Variants in NUMB observed in about 807,000 individuals in gnomAD.
NUMB encodes the protein protein numb homolog.
Under a neutral mutation model 59.7 loss-of-function variants are expected in NUMB, and 29 were observed. The ratio of observed to expected loss-of-function variants is 0.49; its 90% confidence interval spans 0.36 to 0.66. The LOEUF (loss-of-function observed/expected upper bound fraction) is 0.66, where lower values mean the gene tolerates loss of function less well. Ranked by LOEUF, NUMB falls within the 30% of genes least tolerant of loss-of-function variation. NUMB has a pLI of 0.00. For synonymous variants in NUMB, 288 were observed against 288.2 expected, an observed-to-expected ratio of 1.00 and a Z score of 0.01; for missense variants, 723 against 822.0, an observed-to-expected ratio of 0.88 and a Z score of 1.47.
intron 2 of NUMB, among the ~76,000 whole-genome samples, chr14:73,392,950 A>T (rs1162502479): frequency 3.3e-5 from 5 of 152,160 alleles, no homozygotes; most frequent in Non-Finnish European, 7.3e-5. Flanking sequence ...GCAAAATTTA[A>T]TAGACATGTG....
At position 73,367,348 on chromosome 14, in the gene NUMB, T is replaced by TATAGAGAGAG. The variant is rs1555375287; in HGVS notation, c.-100-368_-100-367insCTCTCTCTAT. ...ATATATACATATATATATATATATA[T>TATAGAGAGAG]AGAGAGAGAGAGAGAGAGAGAGAGA... On this transcript the variant is annotated intron_variant, in intron 2 of 12. Transcript: ENST00000555238. Among the ~76,000 whole-genome samples the TATAGAGAGAG allele has an allele frequency of 5.4e-3, 570 of 105,288 alleles. 4 individuals are homozygous for TATAGAGAGAG. The highest frequency in any genetic ancestry group is 0.031 in the East Asian group (123 of 3,998). 69.1% of individuals were successfully genotyped at this position (105,288 alleles called of 152,430 possible). A position where few individuals can be genotyped will look rare whatever the true frequency, so the allele number is the denominator to read the frequency against.
Position 73,276,864 on chromosome 14 carries a change from A to G in NUMB, c.1670T>C (p.Val557Ala). The change falls in exon 13 of 13, where the codon GTC becomes GCC. Residue 557 changes from valine (V) to alanine (A), a missense_variant. Val to Ala is a moderately conservative substitution (Grantham distance 64). Around this residue, in one of 2 missense-constraint regions of NUMB, gnomAD observed 406 missense variants for 385.4 expected, o/e 1.05. Transcript: ENST00000555238. ...AAHPHQSPSL[V>A]RQQTFPHYEA... ...GTAGTGAGGGAATGTCTGCTGCCTG[A>G]CCAGGCTGGGTGACTGATGGGGATG... The G allele has an allele frequency of 6.2e-7, 1 of 1,614,060 alleles. No homozygotes were observed. Among genetic ancestry groups the G allele is most frequent in the Non-Finnish European group, 8.5e-7 (1 of 1,179,972 alleles).
chr14:73,386,455 AT>A (rs934910934), intron 2 of NUMB, among the ~76,000 whole-genome samples: 1 of 151,622 alleles, frequency 6.6e-6, no homozygotes, highest in Non-Finnish European at 1.5e-5. Flanking sequence ...ACAATTCCAG[AT>A]TTTTTTTTAA....
intron 2 of NUMB, among the ~76,000 whole-genome samples, chr14:73,394,158 T>C (rs1403386953): frequency 6.6e-6 from 1 of 152,132 alleles, no homozygotes; most frequent in Non-Finnish European, 1.5e-5. Flanking sequence ...TTTCACCATG[T>C]TGGCCAGGCT....
At chr14:73,451,685 T>G (rs572048012) in intron 1 of NUMB, among the ~76,000 whole-genome samples, 67 of 152,258 alleles carry the variant, frequency 4.4e-4, no homozygotes, top group Admixed American at 7.8e-4. Flanking sequence ...TATGCACAAG[T>G]GACTAGACGA....
chr14:73,378,811 A>G (rs1294135864), intron 2 of NUMB, among the ~76,000 whole-genome samples: 1 of 152,196 alleles, frequency 6.6e-6, no homozygotes, highest in Non-Finnish European at 1.5e-5. Context: ...TCTGTACTAT[A>G]CTATAATGGC....
chr14:73,287,617 G>C (rs570578231), intron 8 of NUMB, among the ~76,000 whole-genome samples: 1 of 152,096 alleles, frequency 6.6e-6, no homozygotes, highest in East Asian at 1.9e-4. Context: ...GCCTCAAGTG[G>C]TCTACCCAAT....
At chr14:73,393,304 G>A (rs1344834494) in intron 2 of NUMB, among the ~76,000 whole-genome samples, 2 of 151,816 alleles carry the variant, frequency 1.3e-5, no homozygotes, top group African/African-American at 2.4e-5. Context: ...TGTAGTGGAA[G>A]GTAAGATGAG....
intron 1 of NUMB, among the ~76,000 whole-genome samples, chr14:73,413,574 A>G (rs1389362427): frequency 6.6e-6 from 1 of 151,654 alleles, no homozygotes; most frequent in Non-Finnish European, 1.5e-5. Context: ...CCTGGCCAAC[A>G]TGGTAAGACC....
chr14:73,372,343 T>TTATATATATA (rs60502086), intron 2 of NUMB, among the ~76,000 whole-genome samples: 35 of 100,778 alleles, frequency 3.5e-4, no homozygotes, highest in African/African-American at 1.2e-3. Flanking sequence ...ATATAACCTT[T>TTATATATATA]TATATATATA....
At chr14:73,309,991 T>TA (rs1345861460) in intron 6 of NUMB, among the ~76,000 whole-genome samples, 4 of 152,134 alleles carry the variant, frequency 2.6e-5, no homozygotes, top group Non-Finnish European at 5.9e-5. Flanking sequence ...TTAGCAATTG[T>TA]AAAAACATAA....
At chr14:73,324,731 C>T (rs1246945800) in intron 4 of NUMB, among the ~76,000 whole-genome samples, 1 of 151,942 alleles carries the variant, frequency 6.6e-6, no homozygotes, top group South Asian at 2.1e-4. Flanking sequence ...GAACAGAATT[C>T]ACAGAATAGG....
At chr14:73,313,850 G>A (rs548618090) in intron 6 of NUMB, among the ~76,000 whole-genome samples, 3 of 147,140 alleles carry the variant, frequency 2.0e-5, no homozygotes, top group African/African-American at 7.6e-5. Context: ...CTCTGTCACC[G>A]AGGCTGGAGT....
At chr14:73,411,888 G>A (rs1290475177) in intron 1 of NUMB, among the ~76,000 whole-genome samples, 1 of 142,810 alleles carries the variant, frequency 7.0e-6, no homozygotes, top group African/African-American at 2.6e-5. Flanking sequence ...CAATAGTGCT[G>A]TTCCTGAATA....
At chr14:73,286,913 T>C in intron 9 of NUMB, 197 bp downstream of exon 9, 1 of 596,992 alleles carries the variant, frequency 1.7e-6, no homozygotes, top group Non-Finnish European at 3.0e-6. Flanking sequence ...CTTACTATAA[T>C]GGAGTAAATA....
In NUMB at chr14:73,356,472, G is replaced by A. The variant is rs567570903; in HGVS notation, c.-15-706C>T. 5.3e-5 allele frequency among the ~76,000 whole-genome samples: 8 copies of A among 152,114 alleles called. No homozygotes were observed. The South Asian group carries it at 1.0e-3, about 20-fold the overall frequency. ...AGCCTGGCCAACATGGCAAAACCCC[G>A]CCTCTACTAAAACTACAAAAATTAG... On this transcript the variant is annotated intron_variant, in intron 3 of 12. Coordinates refer to ENST00000555238, the MANE Select transcript of NUMB (RefSeq NM_001005743.2).
chr14:73,352,477 C>CACAT (rs1566756099), intron 4 of NUMB, among the ~76,000 whole-genome samples: 16 of 12,694 alleles, frequency 1.3e-3, no homozygotes, highest in Admixed American at 4.3e-3. Context: ...CACACACACA[C>CACAT]ATATATATAT....
At chr14:73,352,866 A>G (rs547678252) in intron 4 of NUMB, among the ~76,000 whole-genome samples, 1 of 150,874 alleles carries the variant, frequency 6.6e-6, no homozygotes, top group Non-Finnish European at 1.5e-5. Flanking sequence ...GTTAATGCAA[A>G]TATCTAACTA....
At chr14:73,434,779 G>C (rs566126681) in intron 1 of NUMB, among the ~76,000 whole-genome samples, 1 of 151,956 alleles carries the variant, frequency 6.6e-6, no homozygotes, top group Non-Finnish European at 1.5e-5. Flanking sequence ...TCTTTCTTTT[G>C]AATCATTCAA....
Sources: allele counts gnomAD v4.1 joint callset (sites outside exome capture counted in the v4.1 genomes callset), GRCh38; gene constraint gnomAD v4.1.1; regional missense constraint gnomAD v4.1.1; transcripts MANE v1.5; gene names NCBI Gene and HGNC (gene_info 2026-07-23, HGNC 2026-07-21).